The following RNF216 variants were observed in gnomAD, a reference collection of about 807,000 sequenced individuals.
The protein encoded by RNF216 is E3 ubiquitin-protein ligase RNF216.
A neutral mutation model predicts 110.8 loss-of-function variants in RNF216; 72 were observed. The observed-to-expected ratio is 0.65, with a 90% CI of 0.54 to 0.79. The LOEUF (loss-of-function observed/expected upper bound fraction) is 0.79, where lower values mean the gene tolerates loss of function less well. Among genes scored for constraint, RNF216 ranks in the 30% least tolerant of loss-of-function variants. RNF216 has a pLI of 0.00. For synonymous variants in RNF216, 495 were observed against 407.5 expected (o/e 1.21, Z -2.59); for missense variants, 1,342 against 1,141.2 (o/e 1.18, Z -2.54).
chr7:5,729,520 A>T lies in RNF216; in HGVS notation c.1301T>A (p.Leu434His). The T allele has an allele frequency of 6.2e-7, 1 of 1,614,168 alleles. No homozygotes were observed. Among genetic ancestry groups the T allele is most frequent in the Non-Finnish European group, 8.5e-7 (1 of 1,180,014 alleles). Reference protein sequence around the residue: ...DQRCFIQAADLLMADFKVLSS... With the variant: ...DQRCFIQAADHLMADFKVLSS... ...GAGCACTTTGAAGTCGGCCATGAGG[A>T]GGTCAGCAGCTTGGATGAAGCAGCG... is the stretch of plus-strand genomic sequence containing the variant. The change falls in exon 7 of 17, where the codon CTC becomes CAC. Residue 434 changes from leucine (L) to histidine (H), a missense_variant. Physicochemically the swap from Leu to His is moderately conservative, Grantham distance 99. Transcript: ENST00000389902.
chr7:5,671,625 A>G (rs1789916839), intron 13 of RNF216, among the ~76,000 whole-genome samples: 1 of 152,076 alleles, frequency 6.6e-6, no homozygotes, highest in South Asian at 2.1e-4. Context: ...CAACATGGTG[A>G]AACACCGTCT....
At chr7:5,729,047 G>A (rs1353428720) in intron 7 of RNF216, among the ~76,000 whole-genome samples, 2 of 152,150 alleles carry the variant, frequency 1.3e-5, no homozygotes, top group African/African-American at 2.4e-5. Context: ...CTGTGTTCCC[G>A]GACTCTCTAC....
intron 13 of RNF216, among the ~76,000 whole-genome samples, chr7:5,694,241 A>G (rs1209358484): frequency 2.6e-5 from 4 of 152,244 alleles, no homozygotes; most frequent in Non-Finnish European, 5.9e-5. Flanking sequence ...AACAGTTTTC[A>G]AACAAGTCTT....
chr7:5,717,242 A>T (rs1043004916), intron 9 of RNF216, among the ~76,000 whole-genome samples: 1 of 152,208 alleles, frequency 6.6e-6, no homozygotes, highest in Non-Finnish European at 1.5e-5. Flanking sequence ...AATCCCAGCT[A>T]CTTGGGAGGC....
chr7:5,751,726 C>G (rs1382307053), intron 3 of RNF216, among the ~76,000 whole-genome samples: 1 of 149,572 alleles, frequency 6.7e-6, no homozygotes, highest in Non-Finnish European at 1.5e-5. Context: ...TCTATAAAGC[C>G]AACCACTTCT....
chr7:5,734,220 T>C (rs1228863374), intron 5 of RNF216, among the ~76,000 whole-genome samples: 1 of 152,064 alleles, frequency 6.6e-6, no homozygotes, highest in African/African-American at 2.4e-5. Flanking sequence ...CTATCAAAAG[T>C]AGATGGAAAA....
intron 9 of RNF216, among the ~76,000 whole-genome samples, chr7:5,717,772 A>G (rs1029679800): frequency 1.3e-5 from 2 of 152,204 alleles, no homozygotes; most frequent in African/African-American, 2.4e-5. Context: ...AGAGTCTGCC[A>G]ACATTTGGGA....
chr7:5,690,668 G>C (rs1459110624), intron 13 of RNF216, among the ~76,000 whole-genome samples: 1 of 142,992 alleles, frequency 7.0e-6, no homozygotes, highest in African/African-American at 2.6e-5. Context: ...CTACAGAAGA[G>C]CAAACAGAAG....
chr7:5,629,137 A>G (rs1034689581), intron 15 of RNF216, among the ~76,000 whole-genome samples: 3 of 151,274 alleles, frequency 2.0e-5, no homozygotes, highest in African/African-American at 7.3e-5. Flanking sequence ...GGAGATTGCA[A>G]TGAGCAGAGA....
At chr7:5,776,910 AAAAAAAAGAGAGAGAGAAAAAGAG>A (rs1463164781) in intron 1 of RNF216, among the ~76,000 whole-genome samples, 2 of 149,252 alleles carry the variant, frequency 1.3e-5, no homozygotes, top group South Asian at 2.1e-4. Flanking sequence ...AAAAAAAAAA[AAAAAAAAGAGAGAGAGAAAAAGAG>A]AGAGAGAGAG....
chr7:5,723,755 C>G (rs1584515228), intron 8 of RNF216, among the ~76,000 whole-genome samples: 1 of 152,266 alleles, frequency 6.6e-6, no homozygotes, highest in African/African-American at 2.4e-5. Context: ...GTGTCTCACT[C>G]TTTGAGTCAA....
In RNF216 at chr7:5,712,742, G is replaced by GC; in HGVS notation, c.1954dup (p.Ala652GlyfsTer15). 1 of 1,614,018 alleles carries GC rather than the reference G, an allele frequency of 6.2e-7. No homozygotes were observed. The highest frequency in any genetic ancestry group is 8.5e-7 in the Non-Finnish European group (1 of 1,179,976). ...GACAAGCTCGTCGGCGTAGGCTGCC[G>GC]CAACCTCCTCCTCGGCTTTTCGCTC... is the stretch of plus-strand genomic sequence containing the variant. On this transcript the variant is annotated frameshift_variant, in exon 12 of 17. Coordinates refer to ENST00000389902, the MANE Select transcript of RNF216 (RefSeq NM_207111.4). LOFTEE classifies it high-confidence loss of function.
intron 3 of RNF216, among the ~76,000 whole-genome samples, chr7:5,746,899 C>A (rs950613592): frequency 1.3e-5 from 2 of 152,082 alleles, no homozygotes; most frequent in African/African-American, 4.8e-5. Flanking sequence ...ACGGAGAGAA[C>A]GAGATTCTTA....
chr7:5,665,234 G>T (rs575142010), intron 13 of RNF216, among the ~76,000 whole-genome samples: 23 of 152,236 alleles, frequency 1.5e-4, no homozygotes, highest in African/African-American at 5.3e-4. Context: ...TCTCTCAAAG[G>T]AAGGAGAACC....
chr7:5,765,056 G>C (rs1370703224), intron 1 of RNF216, among the ~76,000 whole-genome samples: 1 of 140,342 alleles, frequency 7.1e-6, no homozygotes, highest in African/African-American at 2.6e-5. Flanking sequence ...AGGAAACAAA[G>C]CAAGACTCTC....
chr7:5,714,980 T>C, intron 11 of RNF216, 73 bp downstream of exon 11: 3 of 1,422,990 alleles, frequency 2.1e-6, no homozygotes, highest in Non-Finnish European at 2.9e-6. Context: ...CACTTACACT[T>C]ATCTATCAAC....
intron 13 of RNF216, among the ~76,000 whole-genome samples, chr7:5,709,841 A>G (rs894102320): frequency 2.0e-5 from 3 of 152,140 alleles, no homozygotes; most frequent in Non-Finnish European, 4.4e-5. Flanking sequence ...TGCAGCCTCA[A>G]TCTCCTGGGC....
At chr7:5,758,274 A>C (rs1795752605) in intron 2 of RNF216, among the ~76,000 whole-genome samples, 1 of 152,230 alleles carries the variant, frequency 6.6e-6, no homozygotes, top group African/African-American at 2.4e-5. Context: ...GCCTGAATCC[A>C]ATAAATTATG....
chr7:5,658,139 T>C (rs1280193707), intron 13 of RNF216, among the ~76,000 whole-genome samples: 7 of 152,210 alleles, frequency 4.6e-5, no homozygotes, highest in East Asian at 1.9e-4. Context: ...CTTCATGGGA[T>C]TGACTACAGT....
Sources: allele counts gnomAD v4.1 joint callset (sites outside exome capture counted in the v4.1 genomes callset), GRCh38; gene constraint gnomAD v4.1.1; transcripts MANE v1.5; gene names NCBI Gene and HGNC (gene_info 2026-07-23, HGNC 2026-07-21).